Variants in CCDC14 observed in about 807,000 individuals in gnomAD.
The protein encoded by CCDC14 is coiled-coil domain containing 14.
A neutral mutation model predicts 81.4 loss-of-function variants in CCDC14; 71 were observed. The ratio of observed to expected loss-of-function variants is 0.87; its 90% CI spans 0.72 to 1.06. The LOEUF is 1.06. Ranked by LOEUF, CCDC14 falls within the 50% of genes least tolerant of loss-of-function variation. The probability of loss-of-function intolerance (pLI) is 0.00; values close to 1 mark genes in which losing one functional copy is unlikely to be tolerated. For missense variants in CCDC14, 1,046 were observed against 1,047.3 expected (o/e 1.00, Z 0.02); for synonymous variants, 332 against 364.8 (o/e 0.91, Z 1.03).
intron 12 of CCDC14, among the ~76,000 whole-genome samples, chr3:123,922,110 A>G (rs1305880170): frequency 1.3e-5 from 2 of 152,226 alleles, no homozygotes; most frequent in African/African-American, 2.4e-5. Flanking sequence ...ATTAAGCAAC[A>G]TGCTGCTGAA....
chr3:123,937,387 T>C (rs1338407834), intron 9 of CCDC14, among the ~76,000 whole-genome samples: 1 of 152,082 alleles, frequency 6.6e-6, no homozygotes, highest in Non-Finnish European at 1.5e-5. Flanking sequence ...TATTTTGTCA[T>C]GGTTTTAATT....
At chr3:123,944,706 G>GA (rs1287265675) in intron 9 of CCDC14, 143 bp downstream of exon 9, 17 of 555,050 alleles carry the variant, frequency 3.1e-5, no homozygotes, top group African/African-American at 3.1e-4. Context: ...GGAAATCTCT[G>GA]AAAAATGAGG....
chr3:123,944,269 G>T (rs1374916481), intron 9 of CCDC14, among the ~76,000 whole-genome samples: 1 of 152,102 alleles, frequency 6.6e-6, no homozygotes, highest in East Asian at 1.9e-4. Flanking sequence ...TTAACATAAT[G>T]TCCCAGACCT....
Position 123,956,724 on chromosome 3 carries a change from G to A in CCDC14, c.86+16C>T, listed in dbSNP as rs1378062356. 10 of 1,539,574 alleles carry A rather than the reference G, an allele frequency of 6.5e-6. No individual in the cohort carries two copies. Among genetic ancestry groups the A allele is most frequent in the African/African-American group, 1.4e-5 (1 of 72,638 alleles). ...TTCCTTGAAATCTGAAGTTGTAAACGTCTTCAAGTACTTACGCTTTCTTTC... is the reference window on the plus strand; with the variant it reads ...TTCCTTGAAATCTGAAGTTGTAAACATCTTCAAGTACTTACGCTTTCTTTC... On this transcript the variant is annotated intron_variant, in intron 2 of 12. Transcript: ENST00000409697.
intron 5 of CCDC14, chr3:123,955,641 T>A: frequency 2.5e-6 from 1 of 396,204 alleles, no homozygotes; most frequent in Non-Finnish European, 4.3e-6. Context: ...CAGTCTCTTT[T>A]TCTATTTTTC....
At chr3:123,920,042 A>G (rs1165668470) in intron 12 of CCDC14, among the ~76,000 whole-genome samples, 1 of 152,242 alleles carries the variant, frequency 6.6e-6, no homozygotes, top group Non-Finnish European at 1.5e-5. Flanking sequence ...AAACAAAACA[A>G]TAAGTTTGAC....
chr3:123,903,253 T>C lies in CCDC14; in HGVS notation c.668-5640A>G, dbSNP rs530958948. ...AGTTCACTAGGCTATTTGCCTTTTT[T>C]GTGCATGCTTGAAATTCTCCATAAT... is the stretch of plus-strand genomic sequence containing the variant. On this transcript the variant is annotated intron_variant, in intron 5 of 5. Coordinates refer to the CCDC14 transcript ENST00000479903. 9.4e-4 allele frequency among the ~76,000 whole-genome samples: 143 copies of C among 151,870 alleles called. 1 individual carries two copies. The highest frequency in any genetic ancestry group is 3.4e-3 in the African/African-American group (140 of 41,460).
At chr3:123,946,132 ATTT>A (rs200227842) in intron 8 of CCDC14, among the ~76,000 whole-genome samples, 1 of 145,384 alleles carries the variant, frequency 6.9e-6, no homozygotes. Flanking sequence ...GCATTTTAAG[ATTT>A]TTTTTTTTTT....
chr3:123,933,586 C>T, intron 10 of CCDC14, 87 bp downstream of exon 10: 3 of 876,982 alleles, frequency 3.4e-6, no homozygotes, highest in Non-Finnish European at 5.4e-6. Flanking sequence ...AAATTTATCC[C>T]CTCAAAGTAA....
At chr3:123,927,355 G>A (rs865974389) in intron 12 of CCDC14, among the ~76,000 whole-genome samples, 3 of 151,960 alleles carry the variant, frequency 2.0e-5, no homozygotes, top group Non-Finnish European at 2.9e-5. Context: ...AGGTTGAGGC[G>A]GTACTGAGCT....
the CCDC14 span, among the ~76,000 whole-genome samples, chr3:123,892,294 C>T: frequency 1.1e-4 from 16 of 152,220 alleles, no homozygotes; most frequent in Non-Finnish European, 2.2e-4. Context: ...CCCTCTGAAG[C>T]AATTGTCTGA....
chr3:123,952,991 T>C (rs1455790801), intron 5 of CCDC14: 1 of 166,962 alleles, frequency 6.0e-6, no homozygotes, highest in African/African-American at 2.4e-5. Context: ...TAAGAAAATA[T>C]GGGAGAAAGA....
intron 12 of CCDC14, among the ~76,000 whole-genome samples, chr3:123,927,249 TA>T (rs34679177): frequency 2.5e-3 from 313 of 124,282 alleles, no homozygotes; most frequent in East Asian, 3.2e-3. Flanking sequence ...CTACTAAAAG[TA>T]AAAAAAAAAA....
Position 123,956,439 on chromosome 3 carries a change from G to GAC in CCDC14, c.87-13_87-12insGT. The GAC allele has an allele frequency of 6.6e-7, 1 of 1,519,542 alleles. No individual in the cohort carries two copies. Among genetic ancestry groups the GAC allele is most frequent in the Non-Finnish European group, 8.9e-7 (1 of 1,123,042 alleles). The allele number at this position is 1,519,542 out of a possible 1,614,324, so 94.1% of individuals were successfully genotyped here. A position where few individuals can be genotyped will look rare whatever the true frequency, so the allele number is the denominator to read the frequency against. ...TTCTTAAATAGGTCCTGGAAAACAA[G>GAC]CTTATTAATATTCTTACAAATATTT... On this transcript the variant is annotated splice_polypyrimidine_tract_variant and intron_variant, in intron 2 of 12. Transcript: ENST00000409697.
chr3:123,900,837 T>G (rs1246526262), intron 5 of CCDC14, among the ~76,000 whole-genome samples: 1 of 152,098 alleles, frequency 6.6e-6, no homozygotes, highest in Non-Finnish European at 1.5e-5. Flanking sequence ...TAGTTCCAAT[T>G]AGAATTTCAA....
intron 5 of CCDC14, among the ~76,000 whole-genome samples, chr3:123,906,590 G>A (rs926182431): frequency 3.9e-5 from 6 of 152,122 alleles, no homozygotes; most frequent in Non-Finnish European, 7.4e-5. Context: ...AGCTCACAGA[G>A]CATTAACAGG....
At chr3:123,891,551 T>C in the CCDC14 span, among the ~76,000 whole-genome samples, 5 of 152,200 alleles carry the variant, frequency 3.3e-5, no homozygotes, top group East Asian at 9.6e-4. Flanking sequence ...GCTGTCAGTC[T>C]CTTTGCTAAA....
intron 2 of CCDC14, 101 bp from the exon 3 acceptor site, chr3:123,956,528 C>T: frequency 1.2e-6 from 1 of 864,082 alleles, no homozygotes; most frequent in Middle Eastern, 2.3e-4. Context: ...CTTGTCCAAC[C>T]ATGTACAAGA....
Position 123,913,671 on chromosome 3 carries a change from T to TA in CCDC14, c.*1107dup, listed in dbSNP as rs538122071. 145,333 of 774,814 alleles carry TA rather than the reference T, an allele frequency of 0.19. 2,134 individuals carry two copies. The highest frequency in any genetic ancestry group is 0.52 in the East Asian group (4,154 of 8,038). The allele number at this position is 774,814 out of a possible 1,614,324, so 48.0% of individuals were successfully genotyped here. ...CTTCAAACGCTGTAGCACTAACACC[T>TA]AAAAAAAAAAAAAAAACCACCAAAA... On this transcript the variant is annotated 3_prime_UTR_variant, in exon 13 of 13. Coordinates refer to ENST00000409697, the MANE Select transcript of CCDC14 (RefSeq NM_001366335.1).
Sources: allele counts gnomAD v4.1 joint callset (sites outside exome capture counted in the v4.1 genomes callset), GRCh38; gene constraint gnomAD v4.1.1; transcripts MANE v1.5; gene names NCBI Gene and HGNC (gene_info 2026-07-23, HGNC 2026-07-21).